Variants in DENND5A observed in about 807,000 individuals in gnomAD.
The protein encoded by DENND5A is DENN domain containing 5A, also known as DENN domain-containing protein 5A.
DENND5A carries 64 observed loss-of-function variants against 140.3 expected under a neutral mutation model. The observed-to-expected ratio is 0.46, with a 90% CI of 0.37 to 0.56. DENND5A has a LOEUF of 0.56. Among genes scored for constraint, DENND5A ranks in the 20% least tolerant of loss-of-function variants. The pLI is 0.00. For missense variants in DENND5A, 1,292 were observed against 1,593.8 expected (o/e 0.81, Z 3.22); for synonymous variants, 605 against 607.7 (o/e 1.00, Z 0.07).
chr11:9,166,066 A>G, intron 10 of DENND5A, 99 bp from the exon 11 acceptor site: 1 of 1,123,092 alleles, frequency 8.9e-7, no homozygotes, highest in East Asian at 2.5e-5. Flanking sequence ...ATTTTCTCAC[A>G]TTTTCTTTTT....
At chr11:9,145,874 T>C in intron 16 of DENND5A, 59 bp from the exon 17 acceptor site, 2 of 1,588,418 alleles carry the variant, frequency 1.3e-6, no homozygotes, top group Admixed American at 1.7e-5. Context: ...CCATACCAGA[T>C]GGGACTCTGA....
chr11:9,238,648 T>C (rs1232061448), intron 1 of DENND5A, among the ~76,000 whole-genome samples: 4 of 151,846 alleles, frequency 2.6e-5, no homozygotes, highest in Admixed American at 6.6e-5. Context: ...TCTCCTGACC[T>C]TGTGATCCGC....
At chr11:9,182,235 GA>G (rs1224741205) in intron 5 of DENND5A, among the ~76,000 whole-genome samples, 1 of 152,140 alleles carries the variant, frequency 6.6e-6, no homozygotes, top group Non-Finnish European at 1.5e-5. Flanking sequence ...ACAATTGCTT[GA>G]ACCCAGGAGG....
Position 9,259,068 on chromosome 11 carries a change from C to T in DENND5A, c.109+5893G>A, listed in dbSNP as rs191777407. 6.8e-4 allele frequency among the ~76,000 whole-genome samples: 103 copies of T among 152,270 alleles called. 1 individual carries two copies. In the East Asian group the frequency reaches 0.013, roughly 19 times the overall value. On this transcript the variant is annotated intron_variant, in intron 1 of 22. Transcript: ENST00000328194. The stretch of plus-strand genomic sequence containing the variant: ...CTGAGGTCAGGAGTTCAAGACCAGC[C>T]TGACCAACATGGTGAAACCCCATCT...
chr11:9,163,339 C>T (rs1406548890), intron 11 of DENND5A, among the ~76,000 whole-genome samples: 2 of 152,164 alleles, frequency 1.3e-5, no homozygotes, highest in Non-Finnish European at 2.9e-5. Context: ...TGTTGCCTCA[C>T]GTGCAAGCCA....
At chr11:9,229,535 T>A (rs1590307302) in intron 1 of DENND5A, among the ~76,000 whole-genome samples, 1 of 151,912 alleles carries the variant, frequency 6.6e-6, no homozygotes, top group African/African-American at 2.4e-5. Context: ...GGGTCACAGA[T>A]AATAGAAAAG....
chr11:9,225,441 T>C (rs1333245308), intron 1 of DENND5A, among the ~76,000 whole-genome samples: 1 of 152,142 alleles, frequency 6.6e-6, no homozygotes, highest in East Asian at 1.9e-4. Context: ...AACATATTCT[T>C]AGTGGGCAGA....
At chr11:9,256,437 G>A (rs764186996) in intron 1 of DENND5A, among the ~76,000 whole-genome samples, 16 of 151,948 alleles carry the variant, frequency 1.1e-4, no homozygotes, top group Non-Finnish European at 1.9e-4. Context: ...TCCAGCCTGA[G>A]CAACAAGAAT....
chr11:9,169,308 G>A (rs1590227724), intron 10 of DENND5A, among the ~76,000 whole-genome samples: 1 of 151,954 alleles, frequency 6.6e-6, no homozygotes, highest in South Asian at 2.1e-4. Flanking sequence ...TTATCTGCGC[G>A]TTGAGGTGGT....
intron 5 of DENND5A, among the ~76,000 whole-genome samples, chr11:9,181,718 A>T (rs1011567715): frequency 2.0e-5 from 3 of 152,176 alleles, no homozygotes; most frequent in Admixed American, 2.0e-4. Flanking sequence ...CAGCCTGGGC[A>T]ACAGAGTGAG....
intron 8 of DENND5A, among the ~76,000 whole-genome samples, chr11:9,177,274 A>G (rs1323126157): frequency 3.3e-5 from 5 of 149,974 alleles, no homozygotes; most frequent in South Asian, 4.2e-4. Context: ...AAAAAGAAAG[A>G]AAGAAAAAAA....
At chr11:9,224,171 C>T (rs1464244504) in intron 1 of DENND5A, among the ~76,000 whole-genome samples, 1 of 152,040 alleles carries the variant, frequency 6.6e-6, no homozygotes, top group South Asian at 2.1e-4. Flanking sequence ...CCAGCCTGGG[C>T]GACAGAGCAA....
intron 1 of DENND5A, among the ~76,000 whole-genome samples, chr11:9,237,151 T>C (rs1278511341): frequency 6.6e-6 from 1 of 152,232 alleles, no homozygotes; most frequent in Non-Finnish European, 1.5e-5. Context: ...GCACGGTGGC[T>C]CACGCCTGTA....
At chr11:9,164,070 T>G (rs1227051838) in intron 11 of DENND5A, among the ~76,000 whole-genome samples, 1 of 135,058 alleles carries the variant, frequency 7.4e-6, no homozygotes, top group African/African-American at 2.8e-5. Context: ...TTTTTTTTTT[T>G]TTTTTTTTTT....
chr11:9,142,913 C>T (rs923956787), intron 20 of DENND5A, 68 bp from the exon 21 acceptor site: 5 of 1,590,014 alleles, frequency 3.1e-6, no homozygotes, highest in Non-Finnish European at 3.4e-6. Flanking sequence ...CATTGCATCC[C>T]TAAACCCACA....
intron 1 of DENND5A, among the ~76,000 whole-genome samples, chr11:9,234,173 C>T (rs1000349297): frequency 1.2e-4 from 17 of 136,152 alleles, no homozygotes; most frequent in African/African-American, 4.4e-4. Flanking sequence ...AGCAAAACTC[C>T]GTCTCAAAAA....
rs1590240782 is a variant in DENND5A at position 9,180,714 on chromosome 11, G to C, written c.1455+53C>G. The C allele has an allele frequency of 1.9e-5, 29 of 1,549,594 alleles. No individual in the cohort carries two copies. In the East Asian group the frequency reaches 6.5e-4, roughly 35 times the overall value. ...CTCATCCCATACCTTACTTCACCAG[G>C]ACAGCACCCTAGCACAGATCACACG... On this transcript the variant is annotated intron_variant, in intron 6 of 22. Coordinates refer to ENST00000328194, the MANE Select transcript of DENND5A (RefSeq NM_015213.4).
At chr11:9,262,833 C>G (rs1310204912) in intron 1 of DENND5A, among the ~76,000 whole-genome samples, 1 of 152,108 alleles carries the variant, frequency 6.6e-6, no homozygotes, top group Non-Finnish European at 1.5e-5. Flanking sequence ...GCTCCGCCTC[C>G]CGGGTTCACG....
At chr11:9,144,970 C>T (rs752249964) in intron 18 of DENND5A, 25 bp downstream of exon 18, 1 of 1,520,976 alleles carries the variant, frequency 6.6e-7, no homozygotes, top group East Asian at 2.2e-5. Context: ...TGCCCCTCTA[C>T]CTTACAGCCT....
Sources: gnomAD v4.1 joint callset for allele counts (sites outside exome capture counted in the v4.1 genomes callset) on GRCh38, gnomAD v4.1.1 for gene constraint, MANE v1.5 for transcripts, NCBI Gene and HGNC (gene_info 2026-07-23, HGNC 2026-07-21) for gene names.